Variants in RSRC1 observed in about 807,000 individuals in gnomAD.
RSRC1 encodes arginine and serine rich coiled-coil 1.
Under a neutral mutation model 49.1 loss-of-function variants are expected in RSRC1, and 39 were observed. The observed-to-expected ratio is 0.79, with a 90% CI of 0.61 to 1.04. The LOEUF (loss-of-function observed/expected upper bound fraction) is 1.04. Ranked by LOEUF, RSRC1 falls within the 50% of genes least tolerant of loss-of-function variation. The pLI, the probability that RSRC1 is intolerant of heterozygous loss-of-function variation, is 0.00. For missense variants in RSRC1, 388 were observed against 402.4 expected (o/e 0.96, Z 0.31); for synonymous variants, 143 against 130.8 (o/e 1.09, Z -0.63).
intron 6 of RSRC1, among the ~76,000 whole-genome samples, chr3:158,372,118 G>A (rs776922397): frequency 8.2e-4 from 124 of 151,670 alleles, no homozygotes; most frequent in Non-Finnish European, 1.4e-3. Context: ...ACAGTTTGTG[G>A]CATGTTTTCA....
chr3:158,412,030 C>T (rs1005369513), intron 6 of RSRC1, among the ~76,000 whole-genome samples: 6 of 152,054 alleles, frequency 3.9e-5, no homozygotes, highest in Non-Finnish European at 8.8e-5. Context: ...TGTTATCTGC[C>T]ATTTTTATCC....
At chr3:158,111,858 C>T (rs892311075) in intron 1 of RSRC1, among the ~76,000 whole-genome samples, 1 of 152,118 alleles carries the variant, frequency 6.6e-6, no homozygotes, top group African/African-American at 2.4e-5. Flanking sequence ...CTTCTTGTAC[C>T]CTTATCAATA....
At chr3:158,471,748 T>C (rs1738142647) in intron 7 of RSRC1, among the ~76,000 whole-genome samples, 1 of 152,144 alleles carries the variant, frequency 6.6e-6, no homozygotes, top group South Asian at 2.1e-4. Context: ...TCTGCAGACT[T>C]ATTGGGAATG....
intron 6 of RSRC1, among the ~76,000 whole-genome samples, chr3:158,369,403 C>G (rs1306482315): frequency 6.6e-6 from 1 of 151,950 alleles, no homozygotes. Context: ...CAGGTCTGAT[C>G]TAGTAAATCA....
intron 3 of RSRC1, among the ~76,000 whole-genome samples, chr3:158,179,677 A>G (rs1719467643): frequency 6.6e-6 from 1 of 152,160 alleles, no homozygotes; most frequent in South Asian, 2.1e-4. Context: ...TGGCTGTTAT[A>G]AGAAAAGTTA....
chr3:158,274,329 A>G (rs1042760473), intron 4 of RSRC1, among the ~76,000 whole-genome samples: 2 of 151,870 alleles, frequency 1.3e-5, no homozygotes, highest in African/African-American at 4.8e-5. Flanking sequence ...ATTTTTCTCC[A>G]GTGTACTGGA....
At chr3:158,368,761 T>C (rs1489678454) in intron 6 of RSRC1, among the ~76,000 whole-genome samples, 1 of 152,216 alleles carries the variant, frequency 6.6e-6, no homozygotes, top group Admixed American at 6.5e-5. Flanking sequence ...AATTATGTAA[T>C]GAGTTGTTTA....
At chr3:158,525,349 G>C (rs925904821) in intron 7 of RSRC1, among the ~76,000 whole-genome samples, 2 of 151,906 alleles carry the variant, frequency 1.3e-5, no homozygotes, top group Non-Finnish European at 2.9e-5. Context: ...TAAAACAGCA[G>C]TGAAATACAT....
At chr3:158,522,645 T>C (rs1015874248) in intron 7 of RSRC1, among the ~76,000 whole-genome samples, 5 of 152,178 alleles carry the variant, frequency 3.3e-5, no homozygotes, top group Admixed American at 2.0e-4. Context: ...CACAGTTTAG[T>C]ATACTTATGT....
At chr3:158,465,383 A>G (rs1243986229) in intron 7 of RSRC1, among the ~76,000 whole-genome samples, 1 of 152,114 alleles carries the variant, frequency 6.6e-6, no homozygotes, top group Non-Finnish European at 1.5e-5. Context: ...GCACACCCAG[A>G]GAGAGAACTG....
At chr3:158,312,968 T>C (rs1021030020) in intron 5 of RSRC1, among the ~76,000 whole-genome samples, 5 of 152,168 alleles carry the variant, frequency 3.3e-5, no homozygotes, top group Non-Finnish European at 7.4e-5. Flanking sequence ...AACAGAGATA[T>C]AAACCTAACA....
chr3:158,309,215 A>G (rs1403535483), intron 5 of RSRC1, among the ~76,000 whole-genome samples: 1 of 151,890 alleles, frequency 6.6e-6, no homozygotes, highest in Non-Finnish European at 1.5e-5. Context: ...GCTTTCGACT[A>G]GTAAAATGCT....
rs61567791 is a variant in RSRC1 at position 158,327,863 on chromosome 3, G to A, written c.532-26994G>A. ...AGTCTCCCATTATTATTGTGTGGGA[G>A]TCTAAGTCTCTTTGTAGGTCTCTAA... On this transcript the variant is annotated intron_variant, in intron 5 of 9. Coordinates refer to ENST00000611884, the MANE Select transcript of RSRC1 (RefSeq NM_001271838.2). Among the ~76,000 whole-genome samples, 1,162 of 152,258 alleles carry A rather than the reference G, an allele frequency of 7.6e-3. 16 individuals are homozygous for A. Among genetic ancestry groups the A allele is most frequent in the African/African-American group, 0.027 (1,106 of 41,526 alleles).
chr3:158,459,606 T>C (rs1454072325), intron 6 of RSRC1, among the ~76,000 whole-genome samples: 1 of 152,096 alleles, frequency 6.6e-6, no homozygotes, highest in African/African-American at 2.4e-5. Flanking sequence ...GAATTTCTAT[T>C]ATCCTTGTCC....
At chr3:158,116,177 T>A (rs560946998) in intron 1 of RSRC1, among the ~76,000 whole-genome samples, 75 of 152,332 alleles carry the variant, frequency 4.9e-4, no homozygotes, top group Admixed American at 3.5e-3. Flanking sequence ...TTATCTAAAA[T>A]TCAAATTTTT....
intron 6 of RSRC1, among the ~76,000 whole-genome samples, chr3:158,409,408 A>C (rs58200556): frequency 0.016 from 2,409 of 152,294 alleles, 84 homozygotes; most frequent in African/African-American, 0.055. Context: ...AGTTGAACAG[A>C]GAGGGACATA....
At chr3:158,218,447 G>A (rs921853048) in intron 4 of RSRC1, among the ~76,000 whole-genome samples, 1 of 151,588 alleles carries the variant, frequency 6.6e-6, no homozygotes, top group Admixed American at 6.6e-5. Flanking sequence ...AGATGTTAAG[G>A]ATAACCATTA....
At chr3:158,464,892 G>A (rs562997505) in intron 7 of RSRC1, among the ~76,000 whole-genome samples, 1 of 152,012 alleles carries the variant, frequency 6.6e-6, no homozygotes. Context: ...ATACAAACCC[G>A]GGCAGTCAGA....
chr3:158,338,210 CTT>C (rs11332968), intron 5 of RSRC1, among the ~76,000 whole-genome samples: 2 of 146,878 alleles, frequency 1.4e-5, no homozygotes, highest in African/African-American at 2.5e-5. Flanking sequence ...TATAACTTTG[CTT>C]TTTTTTTTTG....
Sources: gnomAD v4.1 joint callset for allele counts (sites outside exome capture counted in the v4.1 genomes callset) on GRCh38, gnomAD v4.1.1 for gene constraint, MANE v1.5 for transcripts, NCBI Gene and HGNC (gene_info 2026-07-23, HGNC 2026-07-21) for gene names.